Variants in PPFIBP1 observed in about 807,000 individuals in gnomAD.
The protein encoded by PPFIBP1 is PPFIB scaffold protein 1.
In PPFIBP1, 112 loss-of-function variants were observed where a neutral mutation model predicts 137.8. The ratio of observed to expected loss-of-function variants is 0.81; its 90% CI spans 0.70 to 0.95. PPFIBP1 has a LOEUF of 0.95. Ranked by LOEUF, PPFIBP1 falls within the 40% of genes least tolerant of loss-of-function variation. The pLI is 0.00. For missense variants in PPFIBP1, 1,083 were observed against 1,196.6 expected (o/e 0.91, Z 1.40); for synonymous variants, 378 against 417.3 (o/e 0.91, Z 1.15).
chr12:27,647,656 A>G, intron 5 of PPFIBP1, 73 bp from the exon 6 acceptor site: 1 of 895,166 alleles, frequency 1.1e-6, no homozygotes, highest in South Asian at 2.4e-5. Flanking sequence ...TTTTTGTTCC[A>G]TTTAGAGAAA....
intron 14 of PPFIBP1, 109 bp downstream of exon 14, chr12:27,671,655 G>A (rs1413922110): frequency 1.6e-5 from 10 of 615,448 alleles, no homozygotes; most frequent in Non-Finnish European, 5.6e-6. Context: ...AGAGAAGCAA[G>A]AAACTGCAAG....
At chr12:27,544,497 CA>C (rs1263992886) in intron 1 of PPFIBP1, among the ~76,000 whole-genome samples, 2 of 152,188 alleles carry the variant, frequency 1.3e-5, no homozygotes, top group East Asian at 3.9e-4. Context: ...ATCCATCTGA[CA>C]AAGGACTAAT....
At chr12:27,595,889 ATAT>A (rs1160158062) in intron 2 of PPFIBP1, among the ~76,000 whole-genome samples, 1,118 of 89,044 alleles carry the variant, frequency 0.013, 5 homozygotes, top group Middle Eastern at 0.024. Context: ...ACAACAAAAT[ATAT>A]ATATATATAT....
In PPFIBP1 at chr12:27,650,026, C is replaced by T. The variant is rs2058780484; in HGVS notation, c.488C>T (p.Thr163Ile). 2.5e-6 allele frequency: 4 copies of T among 1,603,096 alleles called. No individual in the cohort carries two copies. The highest frequency in any genetic ancestry group is 3.4e-6 in the Non-Finnish European group (4 of 1,170,828). ...EMLQQELLSR[T>I]SLETQKLDLM... ...TTATAATAGGAGCTTCTAAGTAGGA[C>T]ATCCTTAGAAACTCAGAAGTTGGAT... The change falls in exon 7 of 30, where the codon ACA becomes ATA. Residue 163 changes from threonine to isoleucine, a missense_variant. Coordinates refer to ENST00000228425, the MANE Select transcript of PPFIBP1 (RefSeq NM_003622.4).
intron 4 of PPFIBP1, among the ~76,000 whole-genome samples, chr12:27,641,946 A>AAAATAAATAAATAAATAAATAAAT (rs55663709): frequency 2.0e-5 from 3 of 147,796 alleles, no homozygotes; most frequent in African/African-American, 7.4e-5. Flanking sequence ...TGCAACTGCA[A>AAAATAAATAAATAAATAAATAAAT]AAATAAATAA....
At chr12:27,636,253 A>AAACTTGAT (rs1331374460) in intron 4 of PPFIBP1, 3 of 57,254 alleles carry the variant, frequency 5.2e-5, no homozygotes, top group Non-Finnish European at 1.2e-4. Flanking sequence ...GCAGCTACAC[A>AAACTTGAT]AACTGGAGTT....
At chr12:27,681,455 T>G in intron 21 of PPFIBP1, 91 bp from the exon 22 acceptor site, 2 of 1,389,704 alleles carry the variant, frequency 1.4e-6, no homozygotes, top group Admixed American at 3.9e-5. Context: ...GGAATTTCCA[T>G]GTCTATTGAA....
chr12:27,550,741 C>T (rs967797099), intron 1 of PPFIBP1, among the ~76,000 whole-genome samples: 1 of 152,030 alleles, frequency 6.6e-6, no homozygotes, highest in East Asian at 1.9e-4. Flanking sequence ...CACAGAGCCT[C>T]GATTCTACCC....
At chr12:27,581,249 C>T (rs578105573) in intron 2 of PPFIBP1, among the ~76,000 whole-genome samples, 2 of 152,236 alleles carry the variant, frequency 1.3e-5, no homozygotes, top group East Asian at 3.9e-4. Flanking sequence ...ATTTCGTTTG[C>T]CTAAGAGTGT....
chr12:27,613,702 CAA>C (rs36094116), intron 2 of PPFIBP1, among the ~76,000 whole-genome samples: 43 of 107,764 alleles, frequency 4.0e-4, no homozygotes, highest in Non-Finnish European at 3.5e-4. Context: ...GACTCCATCT[CAA>C]AAAAAAAAAA....
chr12:27,571,347 C>T (rs1033766110), intron 1 of PPFIBP1, among the ~76,000 whole-genome samples: 1 of 152,056 alleles, frequency 6.6e-6, no homozygotes, highest in Non-Finnish European at 1.5e-5. Context: ...GGGCCAAAGG[C>T]TATTATATTT....
At chr12:27,595,348 T>C (rs1211538520) in intron 2 of PPFIBP1, among the ~76,000 whole-genome samples, 1 of 152,060 alleles carries the variant, frequency 6.6e-6, no homozygotes, top group South Asian at 2.1e-4. Flanking sequence ...ATGGAAGAAG[T>C]GCTGCTAACT....
At chr12:27,594,163 T>G in intron 2 of PPFIBP1, 5 of 339,976 alleles carry the variant, frequency 1.5e-5, no homozygotes, top group East Asian at 4.9e-5. Flanking sequence ...ACATTATCCA[T>G]CCCCTTTTCT....
At chr12:27,586,923 T>C (rs940611339) in intron 2 of PPFIBP1, among the ~76,000 whole-genome samples, 9 of 152,188 alleles carry the variant, frequency 5.9e-5, no homozygotes, top group African/African-American at 2.2e-4. Flanking sequence ...TAAAAGATGG[T>C]ATTTTGAAGG....
intron 1 of PPFIBP1, among the ~76,000 whole-genome samples, chr12:27,536,618 C>T (rs543435273): frequency 4.6e-5 from 7 of 152,298 alleles, no homozygotes; most frequent in African/African-American, 1.7e-4. Flanking sequence ...CCCACCAGGC[C>T]CCACCCCCAA....
At position 27,679,648 on chromosome 12, in the gene PPFIBP1, A is replaced by C; in HGVS notation, c.1766+9A>C. The C allele has an allele frequency of 6.2e-7, 1 of 1,613,174 alleles. No homozygotes were observed. The highest frequency in any genetic ancestry group is 8.5e-7 in the Non-Finnish European group (1 of 1,179,334). ...ATGAAACTCTTTGGAAAGTAAGTAAAGCAGTAAACAAGTGGAATGGGCCCT... is the reference window on the plus strand; with the variant it reads ...ATGAAACTCTTTGGAAAGTAAGTAACGCAGTAAACAAGTGGAATGGGCCCT... On this transcript the variant is annotated intron_variant, in intron 20 of 29. Transcript: ENST00000228425.
intron 9 of PPFIBP1, among the ~76,000 whole-genome samples, chr12:27,657,393 A>G (rs1220662133): frequency 6.6e-6 from 1 of 151,752 alleles, no homozygotes; most frequent in African/African-American, 2.4e-5. Flanking sequence ...TATAATGTGC[A>G]TAATATCTGA....
Position 27,550,977 on chromosome 12 carries a change from T to TTATA in PPFIBP1, c.-124+26624_-124+26627dup, listed in dbSNP as rs373063647. Among the ~76,000 whole-genome samples the TTATA allele has an allele frequency of 6.0e-3, 812 of 135,926 alleles. 9 individuals are homozygous for TTATA. The highest frequency in any genetic ancestry group is 0.01 in the African/African-American group (359 of 34,756). 89.2% of individuals were successfully genotyped at this position (135,926 alleles called of 152,430 possible). A position where few individuals can be genotyped will look rare whatever the true frequency, so the allele number is the denominator to read the frequency against. On this transcript the variant is annotated intron_variant, in intron 1 of 29. Transcript: ENST00000228425. ...CTTTGTTTGGGGGTGGGCACTAATT[T>TTATA]TATATATATATATATTTTTTTTTTT...
At chr12:27,678,304 T>C (rs1481439995) in intron 19 of PPFIBP1, among the ~76,000 whole-genome samples, 2 of 152,220 alleles carry the variant, frequency 1.3e-5, no homozygotes, top group Admixed American at 1.3e-4. Context: ...GTGGCAACTG[T>C]GGATGTGATT....
Sources: gnomAD v4.1 joint callset for allele counts (sites outside exome capture counted in the v4.1 genomes callset) on GRCh38, gnomAD v4.1.1 for gene constraint, MANE v1.5 for transcripts, NCBI Gene and HGNC (gene_info 2026-07-23, HGNC 2026-07-21) for gene names.